Variants in RANBP2 observed in about 807,000 individuals in gnomAD.
The protein encoded by RANBP2 is RAN binding protein 2.
Under a neutral mutation model 303.6 loss-of-function variants are expected in RANBP2, and 57 were observed. The ratio of observed to expected loss-of-function variants is 0.19; its 90% CI spans 0.15 to 0.23. The LOEUF is 0.23. Among genes scored for constraint, RANBP2 ranks in the 10% least tolerant of loss-of-function variants. The pLI is 1.00. For synonymous variants in RANBP2, 1,167 were observed against 1,301.5 expected (o/e 0.90, Z 2.23); for missense variants, 3,138 against 3,780.8 (o/e 0.83, Z 4.46).
chr2:109,358,518 C>T, the RANBP2 span, among the ~76,000 whole-genome samples: 4 of 152,178 alleles, frequency 2.6e-5, no homozygotes, highest in Non-Finnish European at 5.9e-5. Context: ...TTCTGCCAGC[C>T]GTGAATGAGC....
At chr2:109,365,388 G>A in the RANBP2 span, among the ~76,000 whole-genome samples, 1 of 152,318 alleles carries the variant, frequency 6.6e-6, no homozygotes, top group African/African-American at 2.4e-5. Flanking sequence ...TTCCCACGGA[G>A]GCTGCTGCTT....
chr2:108,729,232 T>A lies in RANBP2; in HGVS notation c.140+33T>A, dbSNP rs768240263. ...CAAACTGTAACATGTATTTTTTTTT[T>A]AAAATCAATGCCTTTTCTCATTTTC... On this transcript the variant is annotated intron_variant, in intron 2 of 28. Coordinates refer to ENST00000283195, the MANE Select transcript of RANBP2 (RefSeq NM_006267.5). 101 of 1,543,378 alleles carry A rather than the reference T, an allele frequency of 6.5e-5. 2 individuals are homozygous for A. The highest frequency in any genetic ancestry group is 2.9e-4 in the South Asian group (25 of 86,590).
the RANBP2 span, among the ~76,000 whole-genome samples, chr2:109,171,633 C>T: frequency 6.6e-6 from 1 of 152,228 alleles, no homozygotes; most frequent in African/African-American, 2.4e-5. Context: ...GAGACATTTC[C>T]TGTGCGGGAA....
chr2:109,106,710 G>A, the RANBP2 span, among the ~76,000 whole-genome samples: 40 of 151,972 alleles, frequency 2.6e-4, no homozygotes, highest in Admixed American at 5.9e-4. Context: ...GGTGGCGGGC[G>A]CCTGTAGTCC....
the RANBP2 span, among the ~76,000 whole-genome samples, chr2:109,008,680 A>C: frequency 1.3e-5 from 2 of 151,940 alleles, no homozygotes; most frequent in African/African-American, 2.4e-5. Flanking sequence ...AGATGGGCGG[A>C]TCACGAGGTC....
the RANBP2 span, among the ~76,000 whole-genome samples, chr2:109,555,126 C>CTA: frequency 1.3e-5 from 2 of 152,148 alleles, no homozygotes; most frequent in Non-Finnish European, 2.9e-5. Context: ...TTGTCACCCT[C>CTA]TAGATTTTCC....
At chr2:108,984,450 G>A in the RANBP2 span, among the ~76,000 whole-genome samples, 1 of 151,992 alleles carries the variant, frequency 6.6e-6, no homozygotes, top group Non-Finnish European at 1.5e-5. Flanking sequence ...GCCCGCTCAG[G>A]CTCCTGGTTC....
At chr2:109,652,671 C>G in the RANBP2 span, among the ~76,000 whole-genome samples, 1 of 152,152 alleles carries the variant, frequency 6.6e-6, no homozygotes, top group Non-Finnish European at 1.5e-5. Context: ...TTCATGGAGG[C>G]AACTTGAGTT....
At chr2:108,800,059 C>T in the RANBP2 span, among the ~76,000 whole-genome samples, 2 of 152,106 alleles carry the variant, frequency 1.3e-5, no homozygotes, top group African/African-American at 4.8e-5. Flanking sequence ...CTATGTATCA[C>T]CTGTATCATC....
At chr2:108,786,750 G>C, downstream of RANBP2, 1 of 1,379,154 alleles carries the variant, frequency 7.3e-7, no homozygotes, top group Non-Finnish European at 1.0e-6. Context: ...ACGTCGTGAC[G>C]CACTGCGGCC....
At chr2:108,981,203 C>T in the RANBP2 span, among the ~76,000 whole-genome samples, 8 of 152,154 alleles carry the variant, frequency 5.3e-5, no homozygotes, top group Non-Finnish European at 1.0e-4. Flanking sequence ...TCTGACGTTC[C>T]ACCACCAGCA....
At chr2:108,978,561 C>G in the RANBP2 span, among the ~76,000 whole-genome samples, 4 of 152,196 alleles carry the variant, frequency 2.6e-5, no homozygotes, top group East Asian at 5.8e-4. Context: ...AGGTTCAGAG[C>G]ACCGAGGAAA....
the RANBP2 span, chr2:109,567,720 G>T: frequency 8.4e-7 from 1 of 1,185,034 alleles, no homozygotes. Context: ...CTTTTTGGAA[G>T]ACACAAGTGA....
intron 4 of RANBP2, among the ~76,000 whole-genome samples, chr2:108,734,907 A>T (rs543018870): frequency 6.6e-6 from 1 of 152,246 alleles, no homozygotes; most frequent in South Asian, 2.1e-4. Context: ...TTAAAAAAAA[A>T]TTAGCCGGGC....
chr2:109,005,485 T>C, the RANBP2 span, among the ~76,000 whole-genome samples: 4 of 152,346 alleles, frequency 2.6e-5, no homozygotes, highest in East Asian at 5.8e-4. Context: ...CTGCCTGGTA[T>C]GCCATCTTCC....
intron 23 of RANBP2, among the ~76,000 whole-genome samples, chr2:108,774,656 CTTT>C (rs1677749998): frequency 6.7e-6 from 1 of 149,330 alleles, no homozygotes; most frequent in Non-Finnish European, 1.5e-5. Context: ...GATTTCTCTT[CTTT>C]ATTATTTCCT....
the RANBP2 span, among the ~76,000 whole-genome samples, chr2:109,530,188 T>C: frequency 6.6e-6 from 1 of 152,170 alleles, no homozygotes; most frequent in East Asian, 1.9e-4. Flanking sequence ...CCAGAACTCA[T>C]GGGTGTGGCA....
chr2:108,865,155 T>C, the RANBP2 span, among the ~76,000 whole-genome samples: 2 of 152,090 alleles, frequency 1.3e-5, no homozygotes, highest in Non-Finnish European at 2.9e-5. Flanking sequence ...TATATAGATA[T>C]ATATTATGAT....
the RANBP2 span, among the ~76,000 whole-genome samples, chr2:109,012,708 A>T: frequency 1.3e-5 from 2 of 152,214 alleles, no homozygotes; most frequent in African/African-American, 2.4e-5. Flanking sequence ...AGGTCAGGAG[A>T]TCGAGACCAT....
Sources: allele counts gnomAD v4.1 joint callset (sites outside exome capture counted in the v4.1 genomes callset), GRCh38; gene constraint gnomAD v4.1.1; transcripts MANE v1.5; gene names NCBI Gene and HGNC (gene_info 2026-07-23, HGNC 2026-07-21).